The following TAMALIN variants were observed in gnomAD, a reference collection of about 807,000 sequenced individuals.
TAMALIN encodes the protein trafficking regulator and scaffold protein tamalin.
TAMALIN carries 9 observed loss-of-function variants against 38.5 expected under a neutral mutation model. The ratio of observed to expected loss-of-function variants is 0.23; its 90% CI spans 0.14 to 0.41. The LOEUF is 0.41. Ranked by LOEUF, TAMALIN falls within the 10% of genes least tolerant of loss-of-function variation. The pLI is 1.00. For missense variants in TAMALIN, 548 were observed against 554.1 expected, an observed-to-expected ratio of 0.99 and a Z score of 0.11; for synonymous variants, 306 against 256.5, an observed-to-expected ratio of 1.19 and a Z score of -1.85.
In TAMALIN at chr12:52,014,133, A is replaced by T; in HGVS notation, c.616-2A>T. Reference sequence around the variant, plus strand: ...CAGTGGGGTGGGGACTGTCTCTTGCAGCAAACCCTGTATGAGAAGTGGGGA... The same window carrying T: ...CAGTGGGGTGGGGACTGTCTCTTGCTGCAAACCCTGTATGAGAAGTGGGGA... On this transcript the variant is annotated splice_acceptor_variant, in intron 6 of 7. Transcript: ENST00000293662. LOFTEE classifies it high-confidence loss of function. The T allele has an allele frequency of 6.2e-7, 1 of 1,603,902 alleles. No individual in the cohort carries two copies. The highest frequency in any genetic ancestry group is 1.1e-5 in the South Asian group (1 of 89,588).
rs371850904 is a variant in TAMALIN, at chr12:52,015,117, A to G, written c.1106A>G (p.Lys369Arg). The G allele has an allele frequency of 5.0e-4, 786 of 1,584,576 alleles. No homozygotes were observed. The highest frequency in any genetic ancestry group is 7.9e-4 in the Admixed American group (46 of 58,148). The change falls in exon 8 of 8, where the codon AAG becomes AGG. Residue 369 changes from lysine to arginine, a missense_variant. Transcript: ENST00000293662. ...TGCGGCCCCGGCCTGCGCAAAACCA[A>G]GTACCGCAGCTTCCGCCGGCGGCTG... Reference protein sequence around the residue: ...ALCGPGLRKTKYRSFRRRLLK... With the variant: ...ALCGPGLRKTRYRSFRRRLLK...
chr12:52,007,566 A>G lies in TAMALIN; in HGVS notation c.246+301A>G, dbSNP rs571045099. 2 of 969,528 alleles carry G rather than the reference A, an allele frequency of 2.1e-6. No individual in the cohort carries two copies. Among genetic ancestry groups the G allele is most frequent in the South Asian group, 9.7e-5 (2 of 20,552 alleles). 60.1% of individuals were successfully genotyped at this position (969,528 alleles called of 1,614,324 possible). A position where few individuals can be genotyped will look rare whatever the true frequency, so the allele number is the denominator to read the frequency against. On this transcript the variant is annotated intron_variant, in intron 1 of 7. Coordinates refer to ENST00000293662, the MANE Select transcript of TAMALIN (RefSeq NM_181711.4). This position sits in a 1 kb window ranked among gnomAD's most constrained non-coding sequence, Gnocchi z 6.7. ...CGCTCCATCTGGCTTTCTGCCCCCC[A>G]TGCCCCGCCTCCCCGTGGCCAGGTG...
chr12:52,007,992 TAAG>T lies in TAMALIN; in HGVS notation c.246+732_246+734del, dbSNP rs1411150781. On this transcript the variant is annotated intron_variant, in intron 1 of 7. Transcript: ENST00000293662. This position sits in a 1 kb window ranked among gnomAD's most constrained non-coding sequence, Gnocchi z 6.7. ...GCTCAGAACCTACACAACACCAGGT[TAAG>T]AAGAGGGGCCTGGTGGCCTTTCCTC... 2 of 985,274 alleles carry T rather than the reference TAAG, an allele frequency of 2.0e-6. No homozygotes were observed. Among genetic ancestry groups the T allele is most frequent in the Non-Finnish European group, 2.4e-6 (2 of 829,928 alleles). The allele number at this position is 985,274 out of a possible 1,614,324, so 61.0% of individuals were successfully genotyped here.
intron 2 of TAMALIN, chr12:52,010,342 G>A (rs1942482313): frequency 1.1e-5 from 2 of 183,898 alleles, no homozygotes; most frequent in Non-Finnish European, 2.1e-5. Context: ...CCAGACCATT[G>A]TGTCCAGCGG....
rs1942439318 is a variant in TAMALIN, at chr12:52,007,762, G to T, written c.246+497G>T. The T allele has an allele frequency of 1.0e-6, 1 of 985,450 alleles. No individual in the cohort carries two copies. The highest frequency in any genetic ancestry group is 1.2e-6 in the Non-Finnish European group (1 of 829,932). The allele number at this position is 985,450 out of a possible 1,614,324, so 61.0% of individuals were successfully genotyped here. On this transcript the variant is annotated intron_variant, in intron 1 of 7. Transcript: ENST00000293662. The surrounding 1 kb of genome is among the most constrained non-coding windows in gnomAD (Gnocchi z 6.7). ...TCCGGATAGCACACCCTTCCGAGGG[G>T]ACTCCCCGATTCCTGGGCTGGGGGC...
Position 52,015,284 on chromosome 12 carries a change from C to G in TAMALIN, c.*85C>G. ...GGGGGAGGCCGAGCCAAGAGGACCC[C>G]AGGAGCCCAGAGCAGCGGGAGAGGG... On this transcript the variant is annotated 3_prime_UTR_variant, in exon 8 of 8. Transcript: ENST00000293662. 7.0e-7 allele frequency: 1 copy of G among 1,425,044 alleles called. No individual in the cohort carries two copies. The highest frequency in any genetic ancestry group is 9.2e-7 in the Non-Finnish European group (1 of 1,085,148). The allele number at this position is 1,425,044 out of a possible 1,614,324, so 88.3% of individuals were successfully genotyped here. A position where few individuals can be genotyped will look rare whatever the true frequency, so the allele number is the denominator to read the frequency against.
intron 7 of TAMALIN, 115 bp downstream of exon 7, chr12:52,014,316 C>T (rs1937733747): frequency 1.1e-6 from 1 of 873,508 alleles, no homozygotes; most frequent in Non-Finnish European, 1.9e-6. Flanking sequence ...TAAACCTCCA[C>T]AGTAAAGCAA....
Position 52,014,801 on chromosome 12 carries a change from G to A in TAMALIN, c.790G>A (p.Ala264Thr), listed in dbSNP as rs755544906. Residue 264 changes from alanine (A) to threonine (T), a missense_variant, in exon 8 of 8, where the codon GCC (alanine) becomes ACC (threonine). Ala to Thr is a moderately conservative substitution (Grantham distance 58). Coordinates refer to ENST00000293662, the MANE Select transcript of TAMALIN (RefSeq NM_181711.4). ...CTCGCTGCCCTTCGGGCCTCTGCTCGCCGTGCCCGGGCGTCCCCGCGGAGG... is the reference window on the plus strand; with the variant it reads ...CTCGCTGCCCTTCGGGCCTCTGCTCACCGTGCCCGGGCGTCCCCGCGGAGG... ...PGSLPFGPLLAVPGRPRGGAR... is the reference protein window; with the variant it reads ...PGSLPFGPLLTVPGRPRGGAR... 9 of 1,396,716 alleles carry A rather than the reference G, an allele frequency of 6.4e-6. No homozygotes were observed. Among genetic ancestry groups the A allele is most frequent in the Admixed American group, 6.5e-5 (2 of 30,646 alleles). 86.5% of individuals were successfully genotyped at this position (1,396,716 alleles called of 1,614,324 possible).
rs750141627 is a variant in TAMALIN, at chr12:52,011,016, G to T, written c.352-23G>T. 2 of 1,613,930 alleles carry T rather than the reference G, an allele frequency of 1.2e-6. No individual in the cohort carries two copies. The highest frequency in any genetic ancestry group is 2.2e-5 in the South Asian group (2 of 91,070). ...AACGGACTTGTCCCAACCCTGGGCT[G>T]AGGGTCCCCTTGTCCATTACAGACT... On this transcript the variant is annotated intron_variant, in intron 3 of 7. Coordinates refer to ENST00000293662, the MANE Select transcript of TAMALIN (RefSeq NM_181711.4). This position sits in a 1 kb window ranked among gnomAD's most constrained non-coding sequence, Gnocchi z 5.3.
At chr12:52,013,628 G>T (rs1192182602) in intron 4 of TAMALIN, 59 bp from the exon 5 acceptor site, 1 of 1,453,364 alleles carries the variant, frequency 6.9e-7, no homozygotes, top group African/African-American at 1.4e-5. Context: ...GCTAAGGTAG[G>T]AGGCTGGTAT....
chr12:52,012,446 GT>G (rs1937672916), intron 4 of TAMALIN, among the ~76,000 whole-genome samples: 1 of 152,130 alleles, frequency 6.6e-6, no homozygotes, highest in Admixed American at 6.5e-5. Context: ...TAGAGATGGG[GT>G]TTTGCCTTGT....
rs1159111919 is a variant in TAMALIN, at chr12:52,011,904, C to A, written c.454+763C>A. 6.6e-6 allele frequency among the ~76,000 whole-genome samples: 1 copy of A among 152,090 alleles called. No individual in the cohort carries two copies. Among genetic ancestry groups the A allele is most frequent in the Non-Finnish European group, 1.5e-5 (1 of 68,012 alleles). On this transcript the variant is annotated intron_variant, in intron 4 of 7. Coordinates refer to ENST00000293662, the MANE Select transcript of TAMALIN (RefSeq NM_181711.4). This position sits in a 1 kb window ranked among gnomAD's most constrained non-coding sequence, Gnocchi z 5.3. ...CTACCTCCTTCCCACTTACCAGCAG[C>A]CCGTGCTAGCTATCTTAGTCCATTT...
rs761389176 is a variant in TAMALIN, at chr12:52,007,117, C to T, written c.98C>T (p.Ala33Val). The T allele has an allele frequency of 3.4e-6, 5 of 1,485,346 alleles. No individual in the cohort carries two copies. Among genetic ancestry groups the T allele is most frequent in the Non-Finnish European group, 4.4e-6 (5 of 1,125,624 alleles). The allele number at this position is 1,485,346 out of a possible 1,614,324, so 92.0% of individuals were successfully genotyped here. Residue 33 changes from alanine (A) to valine (V), a missense_variant, in exon 1 of 8, where the codon GCC becomes GTC. Around this residue, in one of 3 missense-constraint regions of TAMALIN, gnomAD observed 128 missense variants for 117.9 expected, o/e 1.09. Transcript: ENST00000293662. This position sits in a 1 kb window ranked among gnomAD's most constrained non-coding sequence, Gnocchi z 6.7. ...ARTPDSEVAP[A>V]APVPTPGPPA... is the part of the protein sequence containing the mutation. ...ACTCCCGACTCGGAAGTCGCGCCCG[C>T]CGCTCCGGTCCCGACCCCGGGACCC...
chr12:52,011,126 G>A lies in TAMALIN; in HGVS notation c.439G>A (p.Ala147Thr), dbSNP rs1937634895. ...RVHESSPAQL[A>T]GLTPGDTIAS... Reference sequence around the variant, plus strand: ...TCATGAGTCTAGCCCTGCCCAGCTGGCTGGGCTCACACCAGGTGGGGCCTG... The same window carrying A: ...TCATGAGTCTAGCCCTGCCCAGCTGACTGGGCTCACACCAGGTGGGGCCTG... Residue 147 changes from alanine (A) to threonine (T), a missense_variant, in exon 4 of 8, where the codon GCT (alanine) becomes ACT (threonine). This residue lies in a region of TAMALIN where 415 missense variants were observed against 417.0 expected (regional missense o/e 1.00). Coordinates refer to ENST00000293662, the MANE Select transcript of TAMALIN (RefSeq NM_181711.4). The surrounding 1 kb of genome is among the most constrained non-coding windows in gnomAD (Gnocchi z 5.3). 6.2e-7 allele frequency: 1 copy of A among 1,612,002 alleles called. No individual in the cohort carries two copies. The highest frequency in any genetic ancestry group is 1.6e-4 in the Middle Eastern group (1 of 6,062).
chr12:52,013,634 G>C, intron 4 of TAMALIN, 53 bp from the exon 5 acceptor site: 1 of 1,503,256 alleles, frequency 6.7e-7, no homozygotes, highest in Non-Finnish European at 9.3e-7. Flanking sequence ...GTAGGAGGCT[G>C]GTATTCTAGC....
chr12:52,014,728 G>T lies in TAMALIN; in HGVS notation c.717G>T (p.Thr239=), dbSNP rs1477326171. The change falls in exon 8 of 8, where the codon ACG becomes ACT. Residue 239 remains threonine (T), a synonymous_variant. Coordinates refer to ENST00000293662, the MANE Select transcript of TAMALIN (RefSeq NM_181711.4). ...LVVKDPSIYD[T]LESVRSCLYG... ...TGAAGGACCCCAGCATCTACGACACGCTGGAGTCGGTGCGCTCCTGCCTCT... is the reference window on the plus strand; with the variant it reads ...TGAAGGACCCCAGCATCTACGACACTCTGGAGTCGGTGCGCTCCTGCCTCT... 1.3e-6 allele frequency: 2 copies of T among 1,520,242 alleles called. No homozygotes were observed. The highest frequency in any genetic ancestry group is 8.7e-7 in the Non-Finnish European group (1 of 1,147,288). The allele number at this position is 1,520,242 out of a possible 1,614,324, so 94.2% of individuals were successfully genotyped here. A position where few individuals can be genotyped will look rare whatever the true frequency, so the allele number is the denominator to read the frequency against.
chr12:52,011,576 G>C lies in TAMALIN; in HGVS notation c.454+435G>C, dbSNP rs909482483. The stretch of plus-strand genomic sequence containing the variant: ...AAAATGGGCCCAGTGCTGAGGAACC[G>C]ATGTTACTCCCTTTTAAAAAATTAG... On this transcript the variant is annotated intron_variant, in intron 4 of 7. Coordinates refer to ENST00000293662, the MANE Select transcript of TAMALIN (RefSeq NM_181711.4). The surrounding 1 kb of genome is among the most constrained non-coding windows in gnomAD (Gnocchi z 5.3). Among the ~76,000 whole-genome samples, 1 of 148,832 alleles carries C rather than the reference G, an allele frequency of 6.7e-6. No individual in the cohort carries two copies. Among genetic ancestry groups the C allele is most frequent in the African/African-American group, 2.5e-5 (1 of 40,058 alleles).
intron 2 of TAMALIN, among the ~76,000 whole-genome samples, chr12:52,009,570 C>T (rs1942466048): frequency 1.3e-5 from 2 of 151,936 alleles, no homozygotes; most frequent in Non-Finnish European, 2.9e-5. Flanking sequence ...ACCCAGGCCT[C>T]CTGGGCTCCC....
At chr12:52,008,366 G>A (rs1388908066) in intron 1 of TAMALIN, 2 of 985,182 alleles carry the variant, frequency 2.0e-6, no homozygotes, top group African/African-American at 3.5e-5. Context: ...GTTTATCAAG[G>A]ACCCTGAAGA....
Sources: allele counts gnomAD v4.1 joint callset (sites outside exome capture counted in the v4.1 genomes callset), GRCh38; gene constraint gnomAD v4.1.1; regional missense constraint gnomAD v4.1.1; non-coding constraint Gnocchi (gnomAD v3.1); transcripts MANE v1.5; gene names NCBI Gene and HGNC (gene_info 2026-07-23, HGNC 2026-07-21).